Variants in KCNJ4 observed in about 807,000 individuals in gnomAD.
KCNJ4 encodes the protein potassium inwardly rectifying channel subfamily J member 4, also known as inward rectifier potassium channel 4.
Under a neutral mutation model 25.6 loss-of-function variants are expected in KCNJ4, and 3 were observed. The observed-to-expected ratio is 0.12, with a 90% CI of 0.05 to 0.30. KCNJ4 has a LOEUF of 0.30. Among genes scored for constraint, KCNJ4 ranks in the 10% least tolerant of loss-of-function variants. The pLI, the probability that KCNJ4 is intolerant of heterozygous loss-of-function variation, is 1.00. For synonymous variants in KCNJ4, 257 were observed against 283.9 expected, an observed-to-expected ratio of 0.91 and a Z score of 0.95; for missense variants, 286 against 666.8, an observed-to-expected ratio of 0.43 and a Z score of 6.29.
chr22:38,428,235 G>C (rs1055556039), intron 1 of KCNJ4, 64 bp from the exon 2 acceptor site: 17 of 1,408,866 alleles, frequency 1.2e-5, no homozygotes, highest in Non-Finnish European at 1.5e-5. Flanking sequence ...GGGCCACTCA[G>C]ACTCAGCCCC....
intron 1 of KCNJ4, among the ~76,000 whole-genome samples, chr22:38,430,914 G>A (rs1443134580): frequency 6.6e-6 from 1 of 152,218 alleles, no homozygotes; most frequent in Non-Finnish European, 1.5e-5. Flanking sequence ...GGAGCCAGGT[G>A]GGCCAGCCCT....
chr22:38,427,356 G>C lies in KCNJ4; in HGVS notation c.777C>G (p.Ile259Met), dbSNP rs1479009806. 6.2e-7 allele frequency: 1 copy of C among 1,613,940 alleles called. No homozygotes were observed. Among genetic ancestry groups the C allele is most frequent in the Non-Finnish European group, 8.5e-7 (1 of 1,180,028 alleles). Residue 259 changes from isoleucine to methionine, a missense_variant, in exon 2 of 2, where the codon ATC (isoleucine) becomes ATG (methionine). Physicochemically the swap from Ile to Met is conservative, Grantham distance 10. Transcript: ENST00000303592. ...GLDRIFLVSP[I>M]IIVHEIDEDS... The stretch of plus-strand genomic sequence containing the variant: ...CCTCGTCGATCTCGTGGACAATGAT[G>C]ATGGGCGACACCAGGAAGATGCGGT...
intron 1 of KCNJ4, among the ~76,000 whole-genome samples, chr22:38,444,442 A>G (rs891417047): frequency 2.6e-5 from 4 of 152,174 alleles, no homozygotes; most frequent in African/African-American, 7.2e-5. Context: ...CATGAGCACA[A>G]TGGCCATGAG....
chr22:38,445,967 C>T (rs1368890852), intron 1 of KCNJ4, among the ~76,000 whole-genome samples: 1 of 152,098 alleles, frequency 6.6e-6, no homozygotes, highest in Non-Finnish European at 1.5e-5. Flanking sequence ...GTCTGTTAGA[C>T]CCCCCAGCTC....
Position 38,427,889 on chromosome 22 carries a change from A to G in KCNJ4, c.244T>C (p.Phe82Leu), listed in dbSNP as rs771067183. Residue 82 changes from phenylalanine to leucine, a missense_variant, in exon 2 of 2, where the codon TTC becomes CTC. Coordinates refer to ENST00000303592, the MANE Select transcript of KCNJ4 (RefSeq NM_152868.3). ...CTGGCCTCCAGGTCACCGTGGAAGA[A>G]GGCGATACACCAGAAGAGGAGGCCG... ...FFGLLFWCIA[F>L]FHGDLEASPG... The G allele has an allele frequency of 1.9e-6, 3 of 1,612,140 alleles. No individual in the cohort carries two copies. The highest frequency in any genetic ancestry group is 2.2e-5 in the South Asian group (2 of 91,056).
At chr22:38,440,478 G>A (rs546791552) in intron 1 of KCNJ4, among the ~76,000 whole-genome samples, 1 of 151,874 alleles carries the variant, frequency 6.6e-6, no homozygotes, top group African/African-American at 2.4e-5. Context: ...GGAGGCAGAG[G>A]TTGCAGTGAG....
chr22:38,453,875 G>A (rs755933893), intron 1 of KCNJ4, among the ~76,000 whole-genome samples: 8 of 152,196 alleles, frequency 5.3e-5, no homozygotes, highest in Non-Finnish European at 1.0e-4. Flanking sequence ...TGGGATATGG[G>A]TCAGTTCAGT....
intron 1 of KCNJ4, among the ~76,000 whole-genome samples, chr22:38,428,485 T>C (rs527986255): frequency 2.6e-5 from 4 of 152,226 alleles, no homozygotes; most frequent in Admixed American, 2.6e-4. Flanking sequence ...TCTGGAAGCT[T>C]CCTGATGCCC....
rs1602632857 is a variant in KCNJ4 at position 38,429,708 on chromosome 22, C to A, written c.-39-1537G>T. Among the ~76,000 whole-genome samples, 3 of 152,316 alleles carry A rather than the reference C, an allele frequency of 2.0e-5. No individual in the cohort carries two copies. In the East Asian group the frequency reaches 5.8e-4, roughly 29 times the overall value. ...GCGCCTCGGGCCCGTAGAGGACAGA[C>A]CTTCTCTCCACCCCTCTCTGCCATT... On this transcript the variant is annotated intron_variant, in intron 1 of 1. Coordinates refer to ENST00000303592, the MANE Select transcript of KCNJ4 (RefSeq NM_152868.3).
In KCNJ4 at chr22:38,427,550, C is replaced by T; in HGVS notation, c.583G>A (p.Val195Met). 1.2e-6 allele frequency: 2 copies of T among 1,611,190 alleles called. No individual in the cohort carries two copies. Among genetic ancestry groups the T allele is most frequent in the Non-Finnish European group, 1.7e-6 (2 of 1,178,194 alleles). Residue 195 changes from valine (V) to methionine (M), a missense_variant, in exon 2 of 2, where the codon GTG becomes ATG. Val to Met is a conservative substitution (Grantham distance 21). Transcript: ENST00000303592. ...ATGAGGCAGAGCTTGCCGTCGCGCA[C>T]CGAAATGACCGCGTGGTGGCTGAAC... ...LLFSHHAVIS[V>M]RDGKLCLMWR...
In KCNJ4 at chr22:38,445,238, A is replaced by AT. The variant is rs1190017832; in HGVS notation, c.-40+9741dup. Among the ~76,000 whole-genome samples, 3 of 152,018 alleles carry AT rather than the reference A, an allele frequency of 2.0e-5. No individual in the cohort carries two copies. In the East Asian group the frequency reaches 5.8e-4, roughly 30 times the overall value. On this transcript the variant is annotated intron_variant, in intron 1 of 1. Coordinates refer to ENST00000303592, the MANE Select transcript of KCNJ4 (RefSeq NM_152868.3). ...GGAGAGGTGGTGGCTCTGGAGGAGC[A>AT]TGGGTGCCTGGACCTGGGTGGTCCA...
At chr22:38,439,332 T>C (rs1039067882) in intron 1 of KCNJ4, among the ~76,000 whole-genome samples, 1 of 152,032 alleles carries the variant, frequency 6.6e-6, no homozygotes, top group African/African-American at 2.4e-5. Context: ...CTCAGGAGGC[T>C]GAGGCAAGAG....
At chr22:38,428,298 C>T in intron 1 of KCNJ4, 127 bp from the exon 2 acceptor site, 1 of 878,222 alleles carries the variant, frequency 1.1e-6, no homozygotes. Context: ...TTCCTCTGCC[C>T]CGGCAGGCGG....
In KCNJ4 at chr22:38,442,324, G is replaced by A. The variant is rs570181993; in HGVS notation, c.-40+12656C>T. Among the ~76,000 whole-genome samples, 17 of 152,156 alleles carry A rather than the reference G, an allele frequency of 1.1e-4. 1 individual carries two copies. The highest frequency in any genetic ancestry group is 4.1e-4 in the South Asian group (2 of 4,822). Reference sequence around the variant, plus strand: ...AGCACTTTGGGAGGCCGAGGCGGGCGGATCACGAGGTCAGGAGATCGAGAC... The same window carrying A: ...AGCACTTTGGGAGGCCGAGGCGGGCAGATCACGAGGTCAGGAGATCGAGAC... On this transcript the variant is annotated intron_variant, in intron 1 of 1. Transcript: ENST00000303592.
rs542014945 is a variant in KCNJ4, at chr22:38,449,610, A to C, written c.-40+5370T>G. On this transcript the variant is annotated intron_variant, in intron 1 of 1. Transcript: ENST00000303592. The surrounding 1 kb of genome is among the most constrained non-coding windows in gnomAD (Gnocchi z 5.2). ...TGCGAGCAGGTGGGGCAACGGGTGC[A>C]GAGGGAGGGGCAGGGGCCACACGCC... Among the ~76,000 whole-genome samples the C allele has an allele frequency of 3.9e-5, 6 of 152,330 alleles. No homozygotes were observed. The highest frequency in any genetic ancestry group is 8.8e-5 in the Non-Finnish European group (6 of 68,022).
At chr22:38,447,298 C>T (rs932995945) in intron 1 of KCNJ4, among the ~76,000 whole-genome samples, 4 of 152,140 alleles carry the variant, frequency 2.6e-5, no homozygotes, top group East Asian at 1.9e-4. Flanking sequence ...GGGAGCTCCC[C>T]GTGAGGAACA....
At chr22:38,428,212 AG>A in intron 1 of KCNJ4, 41 bp from the exon 2 acceptor site, 1 of 1,507,198 alleles carries the variant, frequency 6.6e-7, no homozygotes, top group South Asian at 1.3e-5. Context: ...CTGGGGAGCG[AG>A]GGGCTCCCTC....
At chr22:38,450,252 C>T (rs1370798975) in intron 1 of KCNJ4, among the ~76,000 whole-genome samples, 1 of 152,098 alleles carries the variant, frequency 6.6e-6, no homozygotes, top group African/African-American at 2.4e-5. Flanking sequence ...CCCGCCTGCC[C>T]CTTGCCAGGA....
intron 1 of KCNJ4, among the ~76,000 whole-genome samples, chr22:38,430,319 A>T (rs1030942489): frequency 2.0e-5 from 3 of 152,184 alleles, no homozygotes; most frequent in Non-Finnish European, 4.4e-5. Flanking sequence ...CCTGACCAAC[A>T]TGAAGAAACC....
Sources: allele counts gnomAD v4.1 joint callset (sites outside exome capture counted in the v4.1 genomes callset), GRCh38; gene constraint gnomAD v4.1.1; non-coding constraint Gnocchi (gnomAD v3.1); transcripts MANE v1.5; gene names NCBI Gene and HGNC (gene_info 2026-07-23, HGNC 2026-07-21).